AGO3: variants seen among roughly 807,000 people sequenced by gnomAD.
AGO3 encodes protein argonaute-3.
In AGO3, 16 loss-of-function variants were observed where a neutral mutation model predicts 105.5. The ratio of observed to expected loss-of-function variants is 0.15; its 90% CI spans 0.10 to 0.23. The LOEUF is 0.23. Among genes scored for constraint, AGO3 ranks in the 10% least tolerant of loss-of-function variants. The pLI is 1.00. For missense variants in AGO3, 534 were observed against 1,088.0 expected (o/e 0.49, Z 7.16); for synonymous variants, 340 against 367.3 (o/e 0.93, Z 0.85).
chr1:35,937,595 C>A (rs181254513), intron 1 of AGO3, among the ~76,000 whole-genome samples: 13 of 152,204 alleles, frequency 8.5e-5, no homozygotes, highest in Admixed American at 1.3e-4. Flanking sequence ...GAAGCTGAGA[C>A]AAGAGAATTG....
At chr1:36,045,464 C>T (rs1289601547) in intron 17 of AGO3, among the ~76,000 whole-genome samples, 8 of 151,970 alleles carry the variant, frequency 5.3e-5, no homozygotes, top group African/African-American at 1.5e-4. Flanking sequence ...TCAGGCAATC[C>T]GCCCACCTCA....
In AGO3 at chr1:35,995,682, A is replaced by AT. The variant is rs1648263631; in HGVS notation, c.659-8652dup. On this transcript the variant is annotated intron_variant, in intron 5 of 18. Transcript: ENST00000373191. Reference sequence around the variant, plus strand: ...ATTCATGATCTTGGACGAGGCAAAGATTTTTTTCTTCTTTCGAGACAGGAT... The same window carrying AT: ...ATTCATGATCTTGGACGAGGCAAAGATTTTTTTTCTTCTTTCGAGACAGGAT... 2.6e-5 allele frequency among the ~76,000 whole-genome samples: 4 copies of AT among 152,100 alleles called. No individual in the cohort carries two copies. In the South Asian group the frequency reaches 8.3e-4, roughly 32 times the overall value.
intron 1 of AGO3, 135 bp downstream of exon 1, chr1:35,931,580 C>T (rs549035317): frequency 9.8e-7 from 1 of 1,023,678 alleles, no homozygotes; most frequent in African/African-American, 1.7e-5. Context: ...GCCCCTCGCC[C>T]TGCTCCTCCG....
In AGO3 at chr1:36,008,065, A is replaced by G. The variant is rs565298566; in HGVS notation, c.794-625A>G. ...AGGGATCTTGACTCCATAAGAGGGT[A>G]GGGATCACCTACTTTAGGAATTATT... On this transcript the variant is annotated intron_variant, in intron 6 of 18. Transcript: ENST00000373191. This position sits in a 1 kb window ranked among gnomAD's most constrained non-coding sequence, Gnocchi z 5.1. Among the ~76,000 whole-genome samples the G allele has an allele frequency of 7.9e-5, 12 of 152,322 alleles. No individual in the cohort carries two copies. The East Asian group carries it at 1.7e-3, about 22-fold the overall frequency.
intron 16 of AGO3, among the ~76,000 whole-genome samples, chr1:36,041,369 G>T (rs1159410754): frequency 1.3e-5 from 2 of 150,588 alleles, no homozygotes; most frequent in Non-Finnish European, 2.9e-5. Context: ...AGCCTCCTGA[G>T]TAGCTGGGAC....
At chr1:35,967,133 G>T (rs1571444470) in intron 3 of AGO3, 58 bp downstream of exon 3, 8 of 1,549,614 alleles carry the variant, frequency 5.2e-6, no homozygotes, top group Non-Finnish European at 6.1e-6. Flanking sequence ...CCTTTTACAC[G>T]CATTTATTAC....
intron 6 of AGO3, among the ~76,000 whole-genome samples, chr1:36,004,961 T>G (rs890576424): frequency 2.0e-5 from 3 of 152,160 alleles, no homozygotes; most frequent in Non-Finnish European, 4.4e-5. Flanking sequence ...TTATTTAATA[T>G]AAGTTATAGA....
chr1:36,031,751 AC>A (rs1480452833), intron 12 of AGO3, among the ~76,000 whole-genome samples: 3 of 152,136 alleles, frequency 2.0e-5, no homozygotes, highest in Non-Finnish European at 4.4e-5. Flanking sequence ...CATGAATTTG[AC>A]TATTCTAGTT....
At chr1:35,971,101 TA>T (rs1646861387) in intron 3 of AGO3, among the ~76,000 whole-genome samples, 1 of 146,848 alleles carries the variant, frequency 6.8e-6, no homozygotes, top group Non-Finnish European at 1.5e-5. Context: ...TTATAAATTA[TA>T]AATAATATAT....
chr1:35,965,489 C>CAAAAAAAAAAAAAAAAAA (rs1171759827), intron 2 of AGO3, among the ~76,000 whole-genome samples: 1 of 87,452 alleles, frequency 1.1e-5, no homozygotes, highest in Non-Finnish European at 2.4e-5. Context: ...GACGCTGTCT[C>CAAAAAAAAAAAAAAAAAA]AAAAAAAAAA....
At chr1:36,040,572 A>G in intron 16 of AGO3, 131 bp downstream of exon 16, 1 of 949,254 alleles carries the variant, frequency 1.1e-6, no homozygotes, top group South Asian at 1.7e-5. Flanking sequence ...CAATTACATT[A>G]TGAGTATAGA....
At chr1:35,979,983 A>G (rs764086941) in intron 5 of AGO3, among the ~76,000 whole-genome samples, 4 of 152,120 alleles carry the variant, frequency 2.6e-5, no homozygotes, top group Non-Finnish European at 5.9e-5. Flanking sequence ...AAATTATTTT[A>G]TGCCATTTTT....
chr1:36,042,949 A>T (rs1642311569), intron 16 of AGO3, among the ~76,000 whole-genome samples: 1 of 152,212 alleles, frequency 6.6e-6, no homozygotes. Context: ...CCTAACTTGC[A>T]GGATTGTTAC....
chr1:36,010,959 AAG>A (rs909287432), intron 9 of AGO3, among the ~76,000 whole-genome samples: 3 of 151,988 alleles, frequency 2.0e-5, no homozygotes, highest in South Asian at 4.1e-4. Flanking sequence ...GAAAGAGAAA[AAG>A]AGAGAGAAAG....
At chr1:35,981,347 G>A (rs763207697) in intron 5 of AGO3, among the ~76,000 whole-genome samples, 5 of 151,998 alleles carry the variant, frequency 3.3e-5, no homozygotes, top group Non-Finnish European at 5.9e-5. Context: ...GAACACCTTC[G>A]GAGCAAGATA....
Position 36,027,954 on chromosome 1 carries a change from TCTA to T in AGO3, c.1591+661_1591+663del, listed in dbSNP as rs1462577522. The stretch of plus-strand genomic sequence containing the variant: ...TGCTCAATATTCAGGTACTGCCGGT[TCTA>T]CTACCTGTGTGATTTGGCTGAATTA... On this transcript the variant is annotated intron_variant, in intron 12 of 18. Transcript: ENST00000373191. This position sits in a 1 kb window ranked among gnomAD's most constrained non-coding sequence, Gnocchi z 4.0. Among the ~76,000 whole-genome samples, 1 of 152,204 alleles carries T rather than the reference TCTA, an allele frequency of 6.6e-6. No individual in the cohort carries two copies. Among genetic ancestry groups the T allele is most frequent in the Non-Finnish European group, 1.5e-5 (1 of 68,042 alleles).
chr1:36,055,579 G>C lies in AGO3; in HGVS notation c.2475-58G>C. On this transcript the variant is annotated intron_variant, in intron 18 of 18. Transcript: ENST00000373191. This position sits in a 1 kb window ranked among gnomAD's most constrained non-coding sequence, Gnocchi z 4.4. ...TTTCTACAACAAATAGTATTTTTCG[G>C]AATTATTACATCAGAATAGAAAGTT... 1 of 1,489,398 alleles carries C rather than the reference G, an allele frequency of 6.7e-7. No homozygotes were observed. Among genetic ancestry groups the C allele is most frequent in the East Asian group, 2.3e-5 (1 of 44,142 alleles). The allele number at this position is 1,489,398 out of a possible 1,614,324, so 92.3% of individuals were successfully genotyped here.
intron 16 of AGO3, among the ~76,000 whole-genome samples, chr1:36,042,102 T>C (rs1250056183): frequency 6.6e-6 from 1 of 152,218 alleles, no homozygotes; most frequent in Non-Finnish European, 1.5e-5. Flanking sequence ...GTTTTTGTTT[T>C]TTTTGACAGT....
intron 16 of AGO3, among the ~76,000 whole-genome samples, chr1:36,041,609 C>T (rs1642254496): frequency 6.6e-6 from 1 of 152,150 alleles, no homozygotes; most frequent in Non-Finnish European, 1.5e-5. Context: ...GCTCTGATCA[C>T]ATCTGCCCCC....
Sources: allele counts gnomAD v4.1 joint callset (sites outside exome capture counted in the v4.1 genomes callset), GRCh38; gene constraint gnomAD v4.1.1; non-coding constraint Gnocchi (gnomAD v3.1); transcripts MANE v1.5; gene names NCBI Gene and HGNC (gene_info 2026-07-23, HGNC 2026-07-21).